Variants in NUP210L observed in about 807,000 individuals in gnomAD.
The protein encoded by NUP210L is nucleoporin 210 like, also known as nuclear pore membrane glycoprotein 210-like.
A neutral mutation model predicts 208.5 loss-of-function variants in NUP210L; 74 were observed. That is an observed-to-expected ratio of 0.35 (90% CI 0.29 to 0.43). The LOEUF (loss-of-function observed/expected upper bound fraction) is 0.43. NUP210L is among the 20% of genes least tolerant of loss of function. NUP210L has a pLI of 1.00. For synonymous variants in NUP210L, 780 were observed against 816.9 expected, an observed-to-expected ratio of 0.95 and a Z score of 0.77; for missense variants, 1,843 against 2,289.4, an observed-to-expected ratio of 0.81 and a Z score of 3.98.
Position 154,152,620 on chromosome 1 carries a change from T to C in NUP210L, c.340+116A>G. 3.2e-6 allele frequency: 3 copies of C among 940,990 alleles called. No homozygotes were observed. The South Asian group carries it at 5.1e-5, about 16-fold the overall frequency. 58.3% of individuals were successfully genotyped at this position (940,990 alleles called of 1,614,324 possible). On this transcript the variant is annotated intron_variant, in intron 2 of 39. Coordinates refer to ENST00000368559, the Ensembl canonical transcript of NUP210L. ...AGCCACTGCAGCCAGCTAGGAATCATTTATTCTCCCTTTGATCATTTGAAG... is the reference window on the plus strand; with the variant it reads ...AGCCACTGCAGCCAGCTAGGAATCACTTATTCTCCCTTTGATCATTTGAAG...
Position 154,104,263 on chromosome 1 carries a change from G to A in NUP210L, c.1621-53C>T, listed in dbSNP as rs927319075. On this transcript the variant is annotated intron_variant, in intron 12 of 39. Transcript: ENST00000368559. ...AAAGTTATGTTAAAAAAAAGTCTTAGGAGGAGGAGAAGCAAGATGGCCAAA... is the reference window on the plus strand; with the variant it reads ...AAAGTTATGTTAAAAAAAAGTCTTAAGAGGAGGAGAAGCAAGATGGCCAAA... The A allele has an allele frequency of 1.7e-5, 25 of 1,512,768 alleles. No homozygotes were observed. In the South Asian group the frequency reaches 2.8e-4, roughly 17 times the overall value. 93.7% of individuals were successfully genotyped at this position (1,512,768 alleles called of 1,614,324 possible). A position where few individuals can be genotyped will look rare whatever the true frequency, so the allele number is the denominator to read the frequency against.
chr1:154,153,148 T>C (rs1440200677), intron 1 of NUP210L, among the ~76,000 whole-genome samples: 1 of 152,128 alleles, frequency 6.6e-6, no homozygotes, highest in Non-Finnish European at 1.5e-5. Flanking sequence ...GAAATACGAC[T>C]GATGTGTTTC....
intron 38 of NUP210L, among the ~76,000 whole-genome samples, chr1:153,993,384 G>T (rs1649597998): frequency 6.6e-6 from 1 of 151,820 alleles, no homozygotes; most frequent in Non-Finnish European, 1.5e-5. Context: ...GGCTAACACA[G>T]TGAAACCCCG....
At chr1:154,021,098 T>C (rs1327416279) in intron 32 of NUP210L, among the ~76,000 whole-genome samples, 3 of 151,386 alleles carry the variant, frequency 2.0e-5, no homozygotes, top group Admixed American at 1.3e-4. Context: ...TGTGCCACCA[T>C]GCACAGCTAA....
At position 154,143,652 on chromosome 1, in the gene NUP210L, T is replaced by C. The variant is rs532448026; in HGVS notation, c.341-75A>G. 330 of 1,277,276 alleles carry C rather than the reference T, an allele frequency of 2.6e-4. No homozygotes were observed. In the African/African-American group the frequency reaches 4.2e-3, roughly 16 times the overall value. The allele number at this position is 1,277,276 out of a possible 1,614,324, so 79.1% of individuals were successfully genotyped here. Reference sequence around the variant, plus strand: ...ATTAAATGTCTCAAATACTCAAAACTGTATTCTAAAGATTATGAAAAAGAA... The same window carrying C: ...ATTAAATGTCTCAAATACTCAAAACCGTATTCTAAAGATTATGAAAAAGAA... On this transcript the variant is annotated intron_variant, in intron 2 of 39. Transcript: ENST00000368559.
At chr1:154,004,569 T>TCCTGTTGA (rs1650401974) in intron 35 of NUP210L, among the ~76,000 whole-genome samples, 1 of 152,124 alleles carries the variant, frequency 6.6e-6, no homozygotes, top group Non-Finnish European at 1.5e-5. Flanking sequence ...TTGGCCAGGC[T>TCCTGTTGA]GGTCTTGAAC....
intron 23 of NUP210L, among the ~76,000 whole-genome samples, chr1:154,055,457 G>C (rs558694130): frequency 5.9e-5 from 9 of 152,058 alleles, no homozygotes; most frequent in African/African-American, 2.2e-4. Flanking sequence ...CACCATGTTG[G>C]CCAGGCTGGT....
At chr1:154,057,808 A>G (rs1450485927) in intron 22 of NUP210L, among the ~76,000 whole-genome samples, 1 of 151,246 alleles carries the variant, frequency 6.6e-6, no homozygotes, top group Non-Finnish European at 1.5e-5. Flanking sequence ...GCACAATTAT[A>G]TTATAGTGTG....
chr1:153,995,611 C>T lies in NUP210L; in HGVS notation c.5387-431G>A, dbSNP rs544161603. 2.7e-5 allele frequency: 25 copies of T among 933,542 alleles called. No homozygotes were observed. In the East Asian group the frequency reaches 4.4e-4, roughly 16 times the overall value. 57.8% of individuals were successfully genotyped at this position (933,542 alleles called of 1,614,324 possible). A position where few individuals can be genotyped will look rare whatever the true frequency, so the allele number is the denominator to read the frequency against. On this transcript the variant is annotated intron_variant, in intron 37 of 39. Coordinates refer to ENST00000368559, the Ensembl canonical transcript of NUP210L. ...TTACCACTTCTTCCTCTTCCAGGGA[C>T]GTTGTCTGCAGGCACTCAGAATGGT...
intron 16 of NUP210L, among the ~76,000 whole-genome samples, chr1:154,076,741 C>G (rs973308294): frequency 1.3e-5 from 2 of 151,558 alleles, no homozygotes; most frequent in African/African-American, 4.9e-5. Flanking sequence ...ATCATACGTA[C>G]CAGTATATGC....
intron 36 of NUP210L, among the ~76,000 whole-genome samples, chr1:154,001,482 C>T (rs1650207984): frequency 6.6e-6 from 1 of 152,138 alleles, no homozygotes; most frequent in South Asian, 2.1e-4. Flanking sequence ...AGGCATGAGC[C>T]ACCGCGCTCG....
chr1:154,065,892 C>CAAAAAAAAAAAAAAAAAAA (rs58053478), intron 17 of NUP210L, among the ~76,000 whole-genome samples: 2 of 61,118 alleles, frequency 3.3e-5, no homozygotes, highest in African/African-American at 1.3e-4. Context: ...GACTCTGTCT[C>CAAAAAAAAAAAAAAAAAAA]AAAAAAAAAA....
chr1:154,065,892 CAAAAAAAAAAAAAA>C (rs58053478), intron 17 of NUP210L, among the ~76,000 whole-genome samples: 42 of 61,118 alleles, frequency 6.9e-4, no homozygotes, highest in Middle Eastern at 0.019. Context: ...GACTCTGTCT[CAAAAAAAAAAAAAA>C]AAAAAAAAAA....
Position 154,107,343 on chromosome 1 carries a change from G to A in NUP210L, c.1621-3133C>T, listed in dbSNP as rs1216192960. Among the ~76,000 whole-genome samples the A allele has an allele frequency of 5.3e-5, 8 of 151,936 alleles. 1 individual carries two copies. The highest frequency in any genetic ancestry group is 3.9e-4 in the East Asian group (2 of 5,140). ...ACAAAAATTAGCCGGGCGTGTTGGCGGGCGCCTGTAGTCCCAGCTACTTGG... is the reference window on the plus strand; with the variant it reads ...ACAAAAATTAGCCGGGCGTGTTGGCAGGCGCCTGTAGTCCCAGCTACTTGG... On this transcript the variant is annotated intron_variant, in intron 12 of 39. Transcript: ENST00000368559.
At chr1:154,089,126 A>G (rs1047169326) in intron 16 of NUP210L, among the ~76,000 whole-genome samples, 1 of 152,172 alleles carries the variant, frequency 6.6e-6, no homozygotes, top group Admixed American at 6.6e-5. Flanking sequence ...AGCCAATTCT[A>G]ATCAGTTTAA....
chr1:154,104,247 T>G, intron 12 of NUP210L, 37 bp from the exon 13 acceptor site: 1 of 1,586,512 alleles, frequency 6.3e-7, no homozygotes, highest in Non-Finnish European at 8.6e-7. Flanking sequence ...GAAAGTTATG[T>G]TAAAAAAAAG....
chr1:154,154,032 T>G (rs188004148), intron 1 of NUP210L, among the ~76,000 whole-genome samples: 18 of 152,302 alleles, frequency 1.2e-4, no homozygotes. Flanking sequence ...ACATAACCCA[T>G]CATTGGGTCC....
intron 8 of NUP210L, among the ~76,000 whole-genome samples, chr1:154,128,531 T>C (rs1342569043): frequency 2.6e-5 from 4 of 151,510 alleles, no homozygotes; most frequent in Non-Finnish European, 4.4e-5. Flanking sequence ...AAAATCCTGG[T>C]TTAATTTAGC....
At chr1:154,103,831 A>C (rs546022660) in intron 13 of NUP210L, among the ~76,000 whole-genome samples, 181 bp downstream of exon 13, 10 of 152,338 alleles carry the variant, frequency 6.6e-5, no homozygotes, top group Non-Finnish European at 1.0e-4. Flanking sequence ...CACTTACTAC[A>C]AGGCATTTGA....
Sources: allele counts gnomAD v4.1 joint callset (sites outside exome capture counted in the v4.1 genomes callset), GRCh38; gene constraint gnomAD v4.1.1; transcripts MANE v1.5; gene names NCBI Gene and HGNC (gene_info 2026-07-23, HGNC 2026-07-21).